LAMA4: variants seen among roughly 807,000 people sequenced by gnomAD.
The protein encoded by LAMA4 is laminin subunit alpha-4.
Under a neutral mutation model 207.1 loss-of-function variants are expected in LAMA4, and 127 were observed. The observed-to-expected ratio is 0.61, with a 90% CI of 0.53 to 0.71. The LOEUF (loss-of-function observed/expected upper bound fraction) is 0.71, where lower values mean the gene tolerates loss of function less well. LAMA4 is among the 30% of genes least tolerant of loss of function. The pLI, the probability that LAMA4 is intolerant of heterozygous loss-of-function variation, is 0.00. For synonymous variants in LAMA4, 761 were observed against 816.0 expected (o/e 0.93, Z 1.15); for missense variants, 2,093 against 2,246.5 (o/e 0.93, Z 1.38).
At chr6:112,228,447 G>T (rs1238988650) in intron 2 of LAMA4, among the ~76,000 whole-genome samples, 2 of 152,174 alleles carry the variant, frequency 1.3e-5, no homozygotes, top group East Asian at 3.9e-4. Flanking sequence ...TGTCACTGAG[G>T]TAGTCAGGCC....
Position 112,254,240 on chromosome 6 carries a change from A to G in LAMA4, c.-90T>C, listed in dbSNP as rs1017788169. The G allele has an allele frequency of 4.4e-5, 67 of 1,531,578 alleles. No homozygotes were observed. Among genetic ancestry groups the G allele is most frequent in the Admixed American group, 2.6e-4 (15 of 56,618 alleles). The allele number at this position is 1,531,578 out of a possible 1,614,324, so 94.9% of individuals were successfully genotyped here. The stretch of plus-strand genomic sequence containing the variant: ...CGCGTGGTGCGGCGGTGCCTCGCTT[A>G]TTTTCCCTCCTCTCCGTGTGCAGTA... On this transcript the variant is annotated 5_prime_UTR_variant, in exon 2 of 39. Transcript: ENST00000230538.
chr6:112,140,540 G>C (rs115063741), intron 22 of LAMA4, among the ~76,000 whole-genome samples: 161 of 152,224 alleles, frequency 1.1e-3, no homozygotes, highest in African/African-American at 3.7e-3. Context: ...TGATCTTCAG[G>C]AGTTAGCTAT....
chr6:112,216,760 T>C (rs1426039922), intron 2 of LAMA4: 4 of 405,162 alleles, frequency 9.9e-6, no homozygotes, highest in Non-Finnish European at 1.9e-5. Context: ...AATAAGAAGG[T>C]ATTACGTAAC....
chr6:112,154,790 T>C (rs1228952141), intron 16 of LAMA4, 61 bp downstream of exon 16: 2 of 991,182 alleles, frequency 2.0e-6, no homozygotes, highest in Non-Finnish European at 3.3e-6. Flanking sequence ...TCTGTCTACG[T>C]GTATGAAAGG....
At chr6:112,171,874 A>G (rs1781737314) in intron 12 of LAMA4, 2 of 152,354 alleles carry the variant, frequency 1.3e-5, no homozygotes, top group African/African-American at 4.8e-5. Flanking sequence ...GCCAGCCACA[A>G]TAGTACATAA....
intron 13 of LAMA4, among the ~76,000 whole-genome samples, chr6:112,160,957 C>G (rs1469314285): frequency 6.6e-6 from 1 of 152,172 alleles, no homozygotes; most frequent in Non-Finnish European, 1.5e-5. Flanking sequence ...ATCAGCTGAC[C>G]GCTCTTCTCT....
chr6:112,170,361 G>A (rs1213447905), intron 12 of LAMA4, among the ~76,000 whole-genome samples: 1 of 152,176 alleles, frequency 6.6e-6, no homozygotes, highest in Admixed American at 6.5e-5. Flanking sequence ...TTCAGGGCTT[G>A]CAGTACGGAA....
At position 112,120,263 on chromosome 6, in the gene LAMA4, G is replaced by A. The variant is rs370752425; in HGVS notation, c.4665+20C>T. 13 of 1,604,448 alleles carry A rather than the reference G, an allele frequency of 8.1e-6. No homozygotes were observed. Among genetic ancestry groups the A allele is most frequent in the South Asian group, 6.6e-5 (6 of 90,824 alleles). ...ATGGTAGCTATTTGCTGGTAATGCT[G>A]TTCTCTGCCTTCAACTTACATCATG... On this transcript the variant is annotated intron_variant, in intron 33 of 38. Coordinates refer to ENST00000230538, the MANE Select transcript of LAMA4 (RefSeq NM_001105206.3).
Position 112,252,188 on chromosome 6 carries a change from C to T in LAMA4, c.195+1768G>A, listed in dbSNP as rs1377271492. Among the ~76,000 whole-genome samples the T allele has an allele frequency of 3.3e-5, 5 of 152,210 alleles. No individual in the cohort carries two copies. In the South Asian group the frequency reaches 1.0e-3, roughly 31 times the overall value. On this transcript the variant is annotated intron_variant, in intron 2 of 38. Transcript: ENST00000230538. ...AAAGTATGAGGTATGAAGCAGGCAT[C>T]AATAAATTCTGTCAGTATCAGTTTA...
intron 3 of LAMA4, 63 bp from the exon 4 acceptor site, chr6:112,207,208 T>G: frequency 1.3e-6 from 2 of 1,576,270 alleles, no homozygotes; most frequent in Non-Finnish European, 1.7e-6. Flanking sequence ...ACAGCACATC[T>G]AAGCATCATG....
chr6:112,252,103 C>T (rs1216418570), intron 2 of LAMA4, among the ~76,000 whole-genome samples: 2 of 152,176 alleles, frequency 1.3e-5, no homozygotes, highest in Non-Finnish European at 2.9e-5. Context: ...ATATATAGGG[C>T]ATTTATACTA....
Position 112,144,898 on chromosome 6 carries a change from C to G in LAMA4, c.2389G>C (p.Asp797His). ...TTCTGCTCAACCGTACGAAGCTGAT[C>G]CAGGAGCTGAGGGACAACCTCGGTC... Reference protein sequence around the residue: ...NLTEVVPQLLDQLRTVEQKRP... With the variant: ...NLTEVVPQLLHQLRTVEQKRP... The change falls in exon 19 of 39, where the codon GAT (aspartate) becomes CAT (histidine). Residue 797 changes from aspartate (D) to histidine (H), a missense_variant. This residue lies in a region of LAMA4 where 1,704 missense variants were observed against 1,788.4 expected (regional missense o/e 0.95). Transcript: ENST00000230538. 1 of 1,613,916 alleles carries G rather than the reference C, an allele frequency of 6.2e-7. No individual in the cohort carries two copies. The highest frequency in any genetic ancestry group is 8.5e-7 in the Non-Finnish European group (1 of 1,179,980).
intron 3 of LAMA4, among the ~76,000 whole-genome samples, chr6:112,207,715 T>G (rs1554354901): frequency 7.2e-6 from 1 of 138,194 alleles, no homozygotes; most frequent in African/African-American, 3.2e-5. Context: ...AGTAAGGAGG[T>G]TTTTTTTTTG....
At chr6:112,197,337 C>G (rs1221806676) in intron 5 of LAMA4, among the ~76,000 whole-genome samples, 1 of 152,080 alleles carries the variant, frequency 6.6e-6, no homozygotes, top group Non-Finnish European at 1.5e-5. Context: ...TAAGACAAGG[C>G]AGGTGGGCGT....
chr6:112,211,135 T>A (rs1784335702), intron 3 of LAMA4, among the ~76,000 whole-genome samples: 2 of 152,160 alleles, frequency 1.3e-5, no homozygotes, highest in Admixed American at 1.3e-4. Flanking sequence ...GATGTCTGCA[T>A]CCTGAGGGTC....
At chr6:112,155,261 G>A (rs1780637317) in intron 15 of LAMA4, 1 of 558,682 alleles carries the variant, frequency 1.8e-6, no homozygotes, top group South Asian at 2.2e-5. Context: ...ATAAATGAAT[G>A]CATAAAGTAT....
intron 2 of LAMA4, among the ~76,000 whole-genome samples, chr6:112,237,394 A>C (rs1179629113): frequency 1.3e-5 from 2 of 152,188 alleles, no homozygotes; most frequent in Non-Finnish European, 2.9e-5. Context: ...ACTAGTCTTG[A>C]TGTAGAATAT....
rs374364713 is a variant in LAMA4, at chr6:112,216,480, C to A, written c.196-11G>T. The A allele has an allele frequency of 6.4e-7, 1 of 1,552,324 alleles. No homozygotes were observed. Among genetic ancestry groups the A allele is most frequent in the African/African-American group, 1.4e-5 (1 of 73,714 alleles). Reference sequence around the variant, plus strand: ...TCCAGCATTGCATTTCTGCAACAGACACACCAAACCATTTTGATTATTGAA... The same window carrying A: ...TCCAGCATTGCATTTCTGCAACAGAAACACCAAACCATTTTGATTATTGAA... On this transcript the variant is annotated splice_polypyrimidine_tract_variant and intron_variant, in intron 2 of 38. Transcript: ENST00000230538.
At chr6:112,111,740 T>C (rs1777708280) in intron 38 of LAMA4, among the ~76,000 whole-genome samples, 1 of 152,350 alleles carries the variant, frequency 6.6e-6, no homozygotes, top group Admixed American at 6.5e-5. Context: ...GCTCCTGTGC[T>C]GGCTCATTAA....
Sources: allele counts gnomAD v4.1 joint callset (sites outside exome capture counted in the v4.1 genomes callset), GRCh38; gene constraint gnomAD v4.1.1; regional missense constraint gnomAD v4.1.1; transcripts MANE v1.5; gene names NCBI Gene and HGNC (gene_info 2026-07-23, HGNC 2026-07-21).